CSMD1: variants seen among roughly 807,000 people sequenced by gnomAD.
CSMD1 encodes CUB and sushi domain-containing protein 1.
CSMD1 carries 213 observed loss-of-function variants against 417.5 expected under a neutral mutation model. That is an observed-to-expected ratio of 0.51 (90% CI 0.46 to 0.57). The LOEUF (loss-of-function observed/expected upper bound fraction) is 0.57, where lower values mean the gene tolerates loss of function less well. Ranked by LOEUF, CSMD1 falls within the 20% of genes least tolerant of loss-of-function variation. The probability of loss-of-function intolerance (pLI) is 0.00; values close to 1 mark genes in which losing one functional copy is unlikely to be tolerated. For synonymous variants in CSMD1, 2,862 were observed against 1,736.8 expected, an observed-to-expected ratio of 1.65 and a Z score of -16.11; for missense variants, 6,923 against 4,529.7, an observed-to-expected ratio of 1.53 and a Z score of -15.17.
At chr8:3,976,223 A>G (rs1386169941) in intron 5 of CSMD1, among the ~76,000 whole-genome samples, 4 of 152,192 alleles carry the variant, frequency 2.6e-5, no homozygotes, top group Non-Finnish European at 4.4e-5. Context: ...GGTTTCAAAA[A>G]TACTTTAAAT....
At chr8:3,639,933 T>C (rs113097776) in intron 7 of CSMD1, among the ~76,000 whole-genome samples, 2 of 152,326 alleles carry the variant, frequency 1.3e-5, no homozygotes, top group African/African-American at 4.8e-5. Flanking sequence ...AAAAGCCAGA[T>C]AAGAAGAGAA....
intron 3 of CSMD1, among the ~76,000 whole-genome samples, chr8:4,164,850 C>T (rs1797362992): frequency 6.7e-6 from 1 of 149,226 alleles, no homozygotes; most frequent in East Asian, 2.0e-4. Context: ...CACTCCAAGC[C>T]TGAGCAACAG....
chr8:3,903,104 C>G (rs1408203470), intron 5 of CSMD1, among the ~76,000 whole-genome samples: 1 of 152,116 alleles, frequency 6.6e-6, no homozygotes, highest in African/African-American at 2.4e-5. Context: ...GTCTGCTGAG[C>G]TAGGTGGAGA....
intron 3 of CSMD1, among the ~76,000 whole-genome samples, chr8:4,205,597 G>A (rs1799930911): frequency 1.3e-5 from 2 of 152,230 alleles, no homozygotes; most frequent in South Asian, 4.1e-4. Flanking sequence ...GGGGTAGGAT[G>A]AAGCCCTGAC....
rs144503183 is a variant in CSMD1 at position 3,969,124 on chromosome 8, G to A, written c.818+28779C>T. Among the ~76,000 whole-genome samples, 612 of 152,232 alleles carry A rather than the reference G, an allele frequency of 4.0e-3. 1 individual carries two copies. The highest frequency in any genetic ancestry group is 6.5e-3 in the Non-Finnish European group (440 of 68,004). On this transcript the variant is annotated intron_variant, in intron 5 of 69. Transcript: ENST00000635120. ...AAATTAGCCAGGCTTGGTGGCATATGCCTGTAATGTTACTACTCGAGAGGC... is the reference window on the plus strand; with the variant it reads ...AAATTAGCCAGGCTTGGTGGCATATACCTGTAATGTTACTACTCGAGAGGC...
intron 10 of CSMD1, among the ~76,000 whole-genome samples, chr8:3,535,367 G>A (rs903270078): frequency 2.0e-5 from 3 of 152,142 alleles, no homozygotes; most frequent in Non-Finnish European, 4.4e-5. Flanking sequence ...GAGTCCAGAG[G>A]ACAGAAATGG....
intron 3 of CSMD1, among the ~76,000 whole-genome samples, chr8:4,077,150 G>A (rs1344768797): frequency 2.6e-5 from 4 of 151,422 alleles, no homozygotes; most frequent in East Asian, 1.9e-4. Context: ...GTTAAATGAC[G>A]CATCCAACTG....
intron 5 of CSMD1, among the ~76,000 whole-genome samples, chr8:3,921,950 C>G (rs1264866751): frequency 1.3e-5 from 2 of 152,070 alleles, no homozygotes; most frequent in Non-Finnish European, 2.9e-5. Context: ...GATTTGATGT[C>G]TGGATGACAT....
intron 1 of CSMD1, among the ~76,000 whole-genome samples, chr8:4,829,978 C>T (rs973674161): frequency 9.2e-5 from 14 of 152,228 alleles, no homozygotes; most frequent in South Asian, 2.1e-4. Flanking sequence ...ACAAACATAT[C>T]GGACAGCTTG....
chr8:4,363,320 A>G (rs1342676752), intron 3 of CSMD1, among the ~76,000 whole-genome samples: 2 of 152,146 alleles, frequency 1.3e-5, no homozygotes, highest in Non-Finnish European at 2.9e-5. Context: ...ATTCTATACT[A>G]CAGGTACCCT....
At chr8:4,956,648 A>G (rs950806934) in intron 1 of CSMD1, among the ~76,000 whole-genome samples, 5 of 152,052 alleles carry the variant, frequency 3.3e-5, no homozygotes, top group Non-Finnish European at 7.4e-5. Flanking sequence ...ACTGGAGAAA[A>G]TATGAAACTT....
intron 26 of CSMD1, among the ~76,000 whole-genome samples, chr8:3,279,989 T>C (rs1396548948): frequency 6.6e-6 from 1 of 152,122 alleles, no homozygotes; most frequent in Non-Finnish European, 1.5e-5. Flanking sequence ...TACTTGGAAT[T>C]AGTACAGAGA....
At chr8:4,764,700 C>A (rs1258696117) in intron 1 of CSMD1, among the ~76,000 whole-genome samples, 1 of 149,468 alleles carries the variant, frequency 6.7e-6, no homozygotes, top group Non-Finnish European at 1.5e-5. Flanking sequence ...AAAAAAAACC[C>A]ATCTCTACTA....
intron 5 of CSMD1, among the ~76,000 whole-genome samples, chr8:3,973,516 G>C (rs1388446808): frequency 1.3e-5 from 2 of 151,986 alleles, no homozygotes; most frequent in Non-Finnish European, 2.9e-5. Flanking sequence ...AATCATTCTG[G>C]TATAAGAACA....
chr8:3,420,154 A>G lies in CSMD1; in HGVS notation c.1562-10549T>C, dbSNP rs562386031. On this transcript the variant is annotated intron_variant, in intron 12 of 69. Coordinates refer to ENST00000635120, the MANE Select transcript of CSMD1 (RefSeq NM_033225.6). Reference sequence around the variant, plus strand: ...ATTCAACTTAAGAAAAGCCAAGCTAAGTCCTCAAAATTATTTGATAAAAGT... The same window carrying G: ...ATTCAACTTAAGAAAAGCCAAGCTAGGTCCTCAAAATTATTTGATAAAAGT... 2.0e-5 allele frequency among the ~76,000 whole-genome samples: 3 copies of G among 152,186 alleles called. No homozygotes were observed. In the South Asian group the frequency reaches 6.2e-4, roughly 31 times the overall value.
chr8:4,490,065 C>A (rs907340394), intron 2 of CSMD1, among the ~76,000 whole-genome samples: 1 of 142,294 alleles, frequency 7.0e-6, no homozygotes, highest in African/African-American at 2.6e-5. Context: ...TTTTTCAGAC[C>A]GAGTCTTGCT....
chr8:4,639,395 C>G (rs10107428), intron 1 of CSMD1, among the ~76,000 whole-genome samples: 1,836 of 152,044 alleles, frequency 0.012, 40 homozygotes, highest in African/African-American at 0.042. Flanking sequence ...CTCATAAACA[C>G]ACTCTGCTCA....
intron 1 of CSMD1, among the ~76,000 whole-genome samples, chr8:4,965,561 C>A (rs1016196051): frequency 6.6e-6 from 1 of 152,182 alleles, no homozygotes; most frequent in African/African-American, 2.4e-5. Context: ...CTTTCAGAAC[C>A]AGTTTTCTGT....
Position 3,663,746 on chromosome 8 carries a change from G to A in CSMD1, c.1009+44668C>T, listed in dbSNP as rs1404673326. Among the ~76,000 whole-genome samples the A allele has an allele frequency of 2.0e-5, 3 of 152,058 alleles. No individual in the cohort carries two copies. The East Asian group carries it at 5.8e-4, about 29-fold the overall frequency. On this transcript the variant is annotated intron_variant, in intron 7 of 69. Transcript: ENST00000635120. ...TTGCTTTGAGTTGTCCTGCCTTTCT[G>A]GACCGAACCAACGTTCACCTCACAT... is the stretch of plus-strand genomic sequence containing the variant.
Sources: allele counts gnomAD v4.1 joint callset (sites outside exome capture counted in the v4.1 genomes callset), GRCh38; gene constraint gnomAD v4.1.1; transcripts MANE v1.5; gene names NCBI Gene and HGNC (gene_info 2026-07-23, HGNC 2026-07-21).